MORC2: variants seen among roughly 807,000 people sequenced by gnomAD.
MORC2 encodes MORC family CW-type zinc finger 2.
A neutral mutation model predicts 136.0 loss-of-function variants in MORC2; 30 were observed. That is an observed-to-expected ratio of 0.22 (90% CI 0.17 to 0.30). The LOEUF (loss-of-function observed/expected upper bound fraction) is 0.30. Among genes scored for constraint, MORC2 ranks in the 10% least tolerant of loss-of-function variants. The probability of loss-of-function intolerance (pLI) is 1.00; values close to 1 mark genes in which losing one functional copy is unlikely to be tolerated. For missense variants in MORC2, 922 were observed against 1,333.1 expected, an observed-to-expected ratio of 0.69 and a Z score of 4.80; for synonymous variants, 439 against 487.0, an observed-to-expected ratio of 0.90 and a Z score of 1.30.
At position 30,954,596 on chromosome 22, in the gene MORC2, CAGG is replaced by C. The variant is rs1215906605; in HGVS notation, c.157+2164_157+2166del. On this transcript the variant is annotated intron_variant, in intron 3 of 25. Coordinates refer to ENST00000397641, the MANE Select transcript of MORC2 (RefSeq NM_001303256.3). Reference sequence around the variant, plus strand: ...TCTCTGGACATTTCCCAAAGCATAACAGGAGTTGTACTGAGCACAGAATAAAGA... The same window carrying C: ...TCTCTGGACATTTCCCAAAGCATAACAGTTGTACTGAGCACAGAATAAAGA... Among the ~76,000 whole-genome samples the C allele has an allele frequency of 2.6e-5, 4 of 152,292 alleles. No homozygotes were observed. The East Asian group carries it at 5.8e-4, about 22-fold the overall frequency.
intron 24 of MORC2, among the ~76,000 whole-genome samples, chr22:30,930,308 G>T (rs2040555207): frequency 6.6e-6 from 1 of 152,184 alleles, no homozygotes; most frequent in Non-Finnish European, 1.5e-5. Context: ...GGCCAACCTA[G>T]CCACCCTATT....
intron 3 of MORC2, among the ~76,000 whole-genome samples, chr22:30,956,156 T>C (rs2040964985): frequency 6.6e-6 from 1 of 152,214 alleles, no homozygotes; most frequent in Non-Finnish European, 1.5e-5. Context: ...CAATGACTGT[T>C]GCACTCACTC....
chr22:30,941,411 G>T lies in MORC2; in HGVS notation c.824+22C>A. 6.2e-7 allele frequency: 1 copy of T among 1,612,362 alleles called. No homozygotes were observed. ...ATCCTCGACCCATGGGAGACAGCAGGCCAAGGGGCACTGGCCCCTACCTGG... is the reference window on the plus strand; with the variant it reads ...ATCCTCGACCCATGGGAGACAGCAGTCCAAGGGGCACTGGCCCCTACCTGG... On this transcript the variant is annotated intron_variant, in intron 9 of 25. Coordinates refer to ENST00000397641, the MANE Select transcript of MORC2 (RefSeq NM_001303256.3). The surrounding 1 kb of genome is among the most constrained non-coding windows in gnomAD (Gnocchi z 4.6).
At chr22:30,949,276 C>T (rs2040857633) in intron 5 of MORC2, among the ~76,000 whole-genome samples, 1 of 152,170 alleles carries the variant, frequency 6.6e-6, no homozygotes, top group African/African-American at 2.4e-5. Context: ...CCTTGCAGTA[C>T]ATTCAGCATC....
intron 1 of MORC2, among the ~76,000 whole-genome samples, chr22:30,959,043 C>G (rs554371946): frequency 6.6e-6 from 1 of 152,286 alleles, no homozygotes; most frequent in East Asian, 1.9e-4. Context: ...ATTGCCTTAA[C>G]CAGTGGTCAG....
intron 3 of MORC2, among the ~76,000 whole-genome samples, chr22:30,950,982 A>G (rs2040878504): frequency 6.6e-6 from 1 of 152,200 alleles, no homozygotes; most frequent in African/African-American, 2.4e-5. Flanking sequence ...TACTGTGTCT[A>G]TACATGACCA....
chr22:30,942,257 C>G lies in MORC2; in HGVS notation c.441G>C (p.Leu147=), dbSNP rs932731801. The change falls in exon 7 of 26, where the codon CTG becomes CTC. Residue 147 remains leucine (L), a synonymous_variant. Coordinates refer to ENST00000397641, the MANE Select transcript of MORC2 (RefSeq NM_001303256.3). ...EEGIDEVIVP[L]PTWNARTREP... is the part of the protein sequence containing the mutation. Reference sequence around the variant, plus strand: ...CCCGGGTCCGAGCATTCCAGGTGGGCAGTGGGACTATCACCTGTGGAGTAA... The same window carrying G: ...CCCGGGTCCGAGCATTCCAGGTGGGGAGTGGGACTATCACCTGTGGAGTAA... 6.2e-7 allele frequency: 1 copy of G among 1,611,384 alleles called. No homozygotes were observed. The highest frequency in any genetic ancestry group is 1.3e-5 in the African/African-American group (1 of 75,028).
chr22:30,927,054 AGAT>A (rs1389274022), intron 25 of MORC2, among the ~76,000 whole-genome samples, 183 bp from the exon 26 acceptor site: 3 of 152,000 alleles, frequency 2.0e-5, no homozygotes, highest in Non-Finnish European at 2.9e-5. Flanking sequence ...TATTGTGCAC[AGAT>A]GATGCCCAGA....
chr22:30,932,998 T>C lies in MORC2; in HGVS notation c.2413A>G (p.Arg805Gly). 1 of 1,614,122 alleles carries C rather than the reference T, an allele frequency of 6.2e-7. No individual in the cohort carries two copies. Among genetic ancestry groups the C allele is most frequent in the South Asian group, 1.1e-5 (1 of 91,076 alleles). ...KGLHVEVRVN[R>G]EWYTGRVTAV... ...GTGACACGGCCCGTGTACCACTCCC[T>C]GTTCACACGCACCTCCACGTGCAGC... Residue 805 changes from arginine to glycine, a missense_variant, in exon 22 of 26, where the codon AGG (arginine) becomes GGG (glycine). Physicochemically the swap from Arg to Gly is moderately radical, Grantham distance 125. Around this residue, in one of 9 missense-constraint regions of MORC2, gnomAD observed 263 missense variants for 388.3 expected, o/e 0.68. Coordinates refer to ENST00000397641, the MANE Select transcript of MORC2 (RefSeq NM_001303256.3). The surrounding 1 kb of genome is among the most constrained non-coding windows in gnomAD (Gnocchi z 4.4).
intron 3 of MORC2, among the ~76,000 whole-genome samples, chr22:30,952,945 T>C (rs1422046015): frequency 4.6e-5 from 7 of 152,208 alleles, no homozygotes; most frequent in African/African-American, 1.4e-4. Context: ...GTAAGAATTA[T>C]CCAAAGAGCT....
chr22:30,967,409 T>C (rs771337131), intron 1 of MORC2: 172 of 987,856 alleles, frequency 1.7e-4, no homozygotes, highest in Non-Finnish European at 2.0e-4. Context: ...TTCTGTTTTC[T>C]TGTTAGAAAG....
intron 20 of MORC2, among the ~76,000 whole-genome samples, 164 bp downstream of exon 20, chr22:30,933,896 T>C (rs1205751276): frequency 6.6e-6 from 1 of 151,398 alleles, no homozygotes; most frequent in East Asian, 1.9e-4. Flanking sequence ...ATGACACGAA[T>C]ATAAACAGAG....
intron 6 of MORC2, among the ~76,000 whole-genome samples, chr22:30,946,053 T>C (rs1259237444): frequency 3.3e-5 from 5 of 152,158 alleles, no homozygotes; most frequent in Non-Finnish European, 7.4e-5. Flanking sequence ...AAGTGGCAGA[T>C]CTAGAGGAGC....
At chr22:30,964,003 A>G (rs984961571) in intron 1 of MORC2, among the ~76,000 whole-genome samples, 1 of 152,216 alleles carries the variant, frequency 6.6e-6, no homozygotes, top group Non-Finnish European at 1.5e-5. Context: ...CCTTAAAGTA[A>G]TAAGTAATCT....
chr22:30,968,127 A>G lies in MORC2; in HGVS notation c.-238T>C, dbSNP rs2041157393. The G allele has an allele frequency of 2.0e-6, 1 of 496,570 alleles. No individual in the cohort carries two copies. 30.8% of individuals were successfully genotyped at this position (496,570 alleles called of 1,614,324 possible). A position where few individuals can be genotyped will look rare whatever the true frequency, so the allele number is the denominator to read the frequency against. Reference sequence around the variant, plus strand: ...ATGATGTAATATTTTGGAAGGAACTATGTCATAAATCTGTAGCTTTAAGGA... The same window carrying G: ...ATGATGTAATATTTTGGAAGGAACTGTGTCATAAATCTGTAGCTTTAAGGA... On this transcript the variant is annotated 5_prime_UTR_variant, in exon 1 of 26. It removes the in-frame stop codon of an upstream open reading frame in the 5' UTR. Transcript: ENST00000397641.
Position 30,926,184 on chromosome 22 carries a change from TGAG to T in MORC2, c.*616_*618del, listed in dbSNP as rs2040478774. 1 of 152,050 alleles carries T rather than the reference TGAG, an allele frequency of 6.6e-6. No homozygotes were observed. The highest frequency in any genetic ancestry group is 1.5e-5 in the Non-Finnish European group (1 of 68,012). 9.4% of individuals were successfully genotyped at this position (152,050 alleles called of 1,614,324 possible). A position where few individuals can be genotyped will look rare whatever the true frequency, so the allele number is the denominator to read the frequency against. ...AGAAATCCCTCCTTCAGAAAGAACT[TGAG>T]TAGTAGATGAGGTGGTTAGACAGGA... is the stretch of plus-strand genomic sequence containing the variant. On this transcript the variant is annotated 3_prime_UTR_variant, in exon 26 of 26. Transcript: ENST00000397641.
In MORC2 at chr22:30,954,607, C is replaced by G. The variant is rs180762387; in HGVS notation, c.157+2156G>C. On this transcript the variant is annotated intron_variant, in intron 3 of 25. Transcript: ENST00000397641. The stretch of plus-strand genomic sequence containing the variant: ...TTCCCAAAGCATAACAGGAGTTGTA[C>G]TGAGCACAGAATAAAGACACACTGG... Among the ~76,000 whole-genome samples, 9 of 152,300 alleles carry G rather than the reference C, an allele frequency of 5.9e-5. No individual in the cohort carries two copies. In the East Asian group the frequency reaches 1.7e-3, roughly 29 times the overall value.
intron 2 of MORC2, 48 bp downstream of exon 2, chr22:30,958,593 A>T (rs968397724): frequency 2.7e-5 from 40 of 1,458,996 alleles, no homozygotes; most frequent in Middle Eastern, 1.7e-4. Flanking sequence ...ACAGCTACCT[A>T]AAGTGTTTCC....
intron 2 of MORC2, among the ~76,000 whole-genome samples, chr22:30,957,931 T>C (rs1461920757): frequency 1.3e-5 from 2 of 152,240 alleles, no homozygotes; most frequent in Non-Finnish European, 2.9e-5. Flanking sequence ...CATCCTCCTC[T>C]TCCTTCCTTA....
Sources: gnomAD v4.1 joint callset for allele counts (sites outside exome capture counted in the v4.1 genomes callset) on GRCh38, gnomAD v4.1.1 for gene constraint, gnomAD v4.1.1 regional missense constraint, Gnocchi (gnomAD v3.1) non-coding constraint, MANE v1.5 for transcripts, NCBI Gene and HGNC (gene_info 2026-07-23, HGNC 2026-07-21) for gene names.